Variants in ADORA3 observed in about 807,000 individuals in gnomAD.
ADORA3 encodes the protein adenosine receptor A3.
A neutral mutation model predicts 5.7 loss-of-function variants in ADORA3; 3 were observed. That is an observed-to-expected ratio of 0.52 (90% CI 0.24 to 1.35). The LOEUF is 1.35. Ranked by LOEUF, ADORA3 falls within the 40% of genes most tolerant of loss-of-function variation. ADORA3 has a pLI of 0.17. For missense variants in ADORA3, 343 were observed against 389.0 expected (o/e 0.88, Z 0.99); for synonymous variants, 168 against 152.3 (o/e 1.10, Z -0.76).
chr1:111,502,082 TAA>T (rs869235270), intron 1 of ADORA3, among the ~76,000 whole-genome samples: 17 of 119,356 alleles, frequency 1.4e-4, no homozygotes, highest in Admixed American at 5.5e-4. Context: ...TATATTATAA[TAA>T]ATATATATAG....
In ADORA3 at chr1:111,503,361, T is replaced by C; in HGVS notation, c.-7A>G. ...CAGTGCTGTTGTTGGGCATCTTGCC[T>C]TCCCAGGGGAACCTCCACAGGGACA... is the stretch of plus-strand genomic sequence containing the variant. On this transcript the variant is annotated 5_prime_UTR_variant, in exon 1 of 2. Transcript: ENST00000241356. The C allele has an allele frequency of 6.2e-7, 1 of 1,603,068 alleles. No homozygotes were observed. The highest frequency in any genetic ancestry group is 2.2e-5 in the East Asian group (1 of 44,696).
chr1:111,503,287 C>T lies in ADORA3; in HGVS notation c.68G>A (p.Gly23Glu). Residue 23 changes from glycine (G) to glutamate (E), a missense_variant, in exon 1 of 2, where the codon GGA (glycine) becomes GAA (glutamate). Coordinates refer to ENST00000241356, the MANE Select transcript of ADORA3 (RefSeq NM_000677.4). Reference protein sequence around the residue: ...VTYITMEIFIGLCAIVGNVLV... With the variant: ...VTYITMEIFIELCAIVGNVLV... ...CACGTTGCCCACTATGGCGCAGAGT[C>T]CAATGAAAATTTCCATGGTGATGTA... 1 of 1,614,166 alleles carries T rather than the reference C, an allele frequency of 6.2e-7. No homozygotes were observed. The highest frequency in any genetic ancestry group is 8.5e-7 in the Non-Finnish European group (1 of 1,180,036).
Position 111,500,052 on chromosome 1 carries a change from T to C in ADORA3, c.855A>G (p.Lys285=), listed in dbSNP as rs769492097. The C allele has an allele frequency of 1.9e-6, 3 of 1,614,112 alleles. No homozygotes were observed. In the African/African-American group the frequency reaches 4.0e-5, roughly 22 times the overall value. ...GGTAGGTTTCCTTGAACTTCTTTATTTTATAGGCATAGACGATAGGGTTCA... is the reference window on the plus strand; with the variant it reads ...GGTAGGTTTCCTTGAACTTCTTTATCTTATAGGCATAGACGATAGGGTTCA... ...SMMNPIVYAY[K]IKKFKETYLL... The change falls in exon 2 of 2, where the codon AAA becomes AAG. Residue 285 remains lysine, a synonymous_variant. Coordinates refer to ENST00000241356, the MANE Select transcript of ADORA3 (RefSeq NM_000677.4).
At chr1:111,500,891 C>G (rs1655140833) in intron 1 of ADORA3, 1 of 426,890 alleles carries the variant, frequency 2.3e-6, no homozygotes, top group African/African-American at 2.0e-5. Context: ...TTACTGAGAG[C>G]TATACAACTG....
chr1:111,502,393 G>T, intron 1 of ADORA3, among the ~76,000 whole-genome samples: 4 of 127,464 alleles, frequency 3.1e-5, no homozygotes, highest in East Asian at 2.3e-4. Context: ...ATATATATAG[G>T]ATACATATAT....
chr1:111,500,251 C>A lies in ADORA3; in HGVS notation c.656G>T (p.Gly219Val), dbSNP rs1238363491. 6.8e-6 allele frequency: 11 copies of A among 1,614,010 alleles called. No homozygotes were observed. The highest frequency in any genetic ancestry group is 9.3e-6 in the Non-Finnish European group (11 of 1,180,010). Residue 219 changes from glycine (G) to valine (V), a missense_variant, in exon 2 of 2, where the codon GGT becomes GTT. Coordinates refer to ENST00000241356, the MANE Select transcript of ADORA3 (RefSeq NM_000677.4). ...CTTGAACTCCCGTCCATAAAATGCACCTGTCTCTTTGGAGTTAGATAAGTT... is the reference window on the plus strand; with the variant it reads ...CTTGAACTCCCGTCCATAAAATGCAACTGTCTCTTTGGAGTTAGATAAGTT... ...SLNLSNSKET[G>V]AFYGREFKTA...
chr1:111,500,063 A>T lies in ADORA3; in HGVS notation c.844T>A (p.Tyr282Asn), dbSNP rs1347057570. The T allele has an allele frequency of 6.2e-7, 1 of 1,614,246 alleles. No homozygotes were observed. The highest frequency in any genetic ancestry group is 8.5e-7 in the Non-Finnish European group (1 of 1,180,038). The change falls in exon 2 of 2, where the codon TAT (tyrosine) becomes AAT (asparagine). Residue 282 changes from tyrosine to asparagine, a missense_variant. Transcript: ENST00000241356. Reference protein sequence around the residue: ...HANSMMNPIVYAYKIKKFKET... With the variant: ...HANSMMNPIVNAYKIKKFKET... ...TTGAACTTCTTTATTTTATAGGCATAGACGATAGGGTTCATCATGGAGTTG... is the reference window on the plus strand; with the variant it reads ...TTGAACTTCTTTATTTTATAGGCATTGACGATAGGGTTCATCATGGAGTTG...
At position 111,500,325 on chromosome 1, in the gene ADORA3, G is replaced by A. The variant is rs368843789; in HGVS notation, c.582C>T (p.Cys194=). Residue 194 remains cysteine (C), a synonymous_variant, in exon 2 of 2, where the codon TGC becomes TGT. Coordinates refer to ENST00000241356, the MANE Select transcript of ADORA3 (RefSeq NM_000677.4). ...TWIFIPLVVM[C]AIYLDIFYII... is the part of the protein sequence containing the mutation. Reference sequence around the variant, plus strand: ...TGTAAAAGATGTCAAGATAGATGGCGCACATGACAACCAGGGGGATGAAAA... The same window carrying A: ...TGTAAAAGATGTCAAGATAGATGGCACACATGACAACCAGGGGGATGAAAA... The A allele has an allele frequency of 4.7e-5, 76 of 1,614,086 alleles. No individual in the cohort carries two copies. The highest frequency in any genetic ancestry group is 1.1e-4 in the East Asian group (5 of 44,902).
In ADORA3 at chr1:111,503,530, C is replaced by A; in HGVS notation, c.-176G>T. On this transcript the variant is annotated 5_prime_UTR_variant, in exon 1 of 2. It adds an upstream start codon to the 5' untranslated region. Coordinates refer to ENST00000241356, the MANE Select transcript of ADORA3 (RefSeq NM_000677.4). Reference sequence around the variant, plus strand: ...CTGGTGGGGTGATCTCTTGGAAACCCTTCTCCTTAGAAAGGGCTCATCACA... The same window carrying A: ...CTGGTGGGGTGATCTCTTGGAAACCATTCTCCTTAGAAAGGGCTCATCACA... 7.0e-7 allele frequency: 1 copy of A among 1,424,150 alleles called. No homozygotes were observed. The highest frequency in any genetic ancestry group is 9.2e-7 in the Non-Finnish European group (1 of 1,092,108). 88.2% of individuals were successfully genotyped at this position (1,424,150 alleles called of 1,614,324 possible).
At position 111,503,493 on chromosome 1, in the gene ADORA3, T is replaced by G. The variant is rs2100985504; in HGVS notation, c.-139A>C. 1.4e-6 allele frequency: 2 copies of G among 1,447,340 alleles called. No homozygotes were observed. Among genetic ancestry groups the G allele is most frequent in the South Asian group, 1.5e-5 (1 of 68,230 alleles). The allele number at this position is 1,447,340 out of a possible 1,614,324, so 89.7% of individuals were successfully genotyped here. A position where few individuals can be genotyped will look rare whatever the true frequency, so the allele number is the denominator to read the frequency against. On this transcript the variant is annotated 5_prime_UTR_variant, in exon 1 of 2. Transcript: ENST00000241356. ...AGTCTAAAATTCCCAACTTGCTCAT[T>G]CCTACCCTTTTCTGGTGGGGTGATC...
chr1:111,500,626 A>G, intron 1 of ADORA3, 70 bp from the exon 2 acceptor site: 1 of 1,457,800 alleles, frequency 6.9e-7, no homozygotes, highest in Non-Finnish European at 9.5e-7. Flanking sequence ...TGGAGCTGGT[A>G]AAGGAGAGAG....
In ADORA3 at chr1:111,503,487, G is replaced by T; in HGVS notation, c.-133C>A. 6.9e-7 allele frequency: 1 copy of T among 1,453,332 alleles called. No individual in the cohort carries two copies. Among genetic ancestry groups the T allele is most frequent in the Non-Finnish European group, 9.1e-7 (1 of 1,102,736 alleles). 90.0% of individuals were successfully genotyped at this position (1,453,332 alleles called of 1,614,324 possible). On this transcript the variant is annotated 5_prime_UTR_variant, in exon 1 of 2. Coordinates refer to ENST00000241356, the MANE Select transcript of ADORA3 (RefSeq NM_000677.4). ...AGTGACAGTCTAAAATTCCCAACTT[G>T]CTCATTCCTACCCTTTTCTGGTGGG... is the stretch of plus-strand genomic sequence containing the variant.
Position 111,503,451 on chromosome 1 carries a change from G to T in ADORA3, c.-97C>A. ...AGCTCTCGCCAGACGTCTTCCCAGA[G>T]GTCCATGTGCAGTGACAGTCTAAAA... On this transcript the variant is annotated 5_prime_UTR_variant, in exon 1 of 2. Coordinates refer to ENST00000241356, the MANE Select transcript of ADORA3 (RefSeq NM_000677.4). 1 of 1,483,680 alleles carries T rather than the reference G, an allele frequency of 6.7e-7. No homozygotes were observed. 91.9% of individuals were successfully genotyped at this position (1,483,680 alleles called of 1,614,324 possible).
chr1:111,503,383 G>A lies in ADORA3; in HGVS notation c.-29C>T. The A allele has an allele frequency of 1.3e-6, 2 of 1,581,622 alleles. No homozygotes were observed. The highest frequency in any genetic ancestry group is 1.7e-6 in the Non-Finnish European group (2 of 1,160,588). ...GCCTTCCCAGGGGAACCTCCACAGG[G>A]ACAGGTGAGCCAGCAAGATCCGTCT... On this transcript the variant is annotated 5_prime_UTR_variant, in exon 1 of 2. Coordinates refer to ENST00000241356, the MANE Select transcript of ADORA3 (RefSeq NM_000677.4).
rs1322792979 is a variant in ADORA3, at chr1:111,499,795, T to C, written c.*155A>G. The C allele has an allele frequency of 1.4e-6, 2 of 1,461,668 alleles. No homozygotes were observed. The highest frequency in any genetic ancestry group is 1.5e-5 in the South Asian group (1 of 68,474). 90.5% of individuals were successfully genotyped at this position (1,461,668 alleles called of 1,614,324 possible). On this transcript the variant is annotated 3_prime_UTR_variant, in exon 2 of 2. Transcript: ENST00000241356. ...GAAGTGGAGGAAGAGAGTAGTGGAG[T>C]GGGGGAGATATAATTGGGGAGCACT...
In ADORA3 at chr1:111,503,508, G is replaced by T. The variant is rs1655363218; in HGVS notation, c.-154C>A. On this transcript the variant is annotated 5_prime_UTR_variant, in exon 1 of 2. Coordinates refer to ENST00000241356, the MANE Select transcript of ADORA3 (RefSeq NM_000677.4). ...ACTTGCTCATTCCTACCCTTTTCTG[G>T]TGGGGTGATCTCTTGGAAACCCTTC... The T allele has an allele frequency of 7.0e-7, 1 of 1,437,474 alleles. No homozygotes were observed. The highest frequency in any genetic ancestry group is 1.4e-5 in the African/African-American group (1 of 69,714). 89.0% of individuals were successfully genotyped at this position (1,437,474 alleles called of 1,614,324 possible). A position where few individuals can be genotyped will look rare whatever the true frequency, so the allele number is the denominator to read the frequency against.
At position 111,499,764 on chromosome 1, in the gene ADORA3, A is replaced by G. The variant is rs1228938430; in HGVS notation, c.*186T>C. ...CTGAATTAGAGAGAAAGGACAAGGG[A>G]AAAATGAAGTGGAGGAAGAGAGTAG... On this transcript the variant is annotated 3_prime_UTR_variant, in exon 2 of 2. Transcript: ENST00000241356. 4 of 1,420,194 alleles carry G rather than the reference A, an allele frequency of 2.8e-6. No individual in the cohort carries two copies. Among genetic ancestry groups the G allele is most frequent in the African/African-American group, 1.4e-5 (1 of 69,674 alleles). The allele number at this position is 1,420,194 out of a possible 1,614,324, so 88.0% of individuals were successfully genotyped here.
In ADORA3 at chr1:111,503,000, G is replaced by T. The variant is rs201612047; in HGVS notation, c.350+5C>A. ...AATTGCTGCCCACCCCACGCCGCAG[G>T]CTACCTGACGGTAAGCTTGACCCGC... On this transcript the variant is annotated splice_donor_5th_base_variant and intron_variant, in intron 1 of 1. Transcript: ENST00000241356. 435 of 1,611,974 alleles carry T rather than the reference G, an allele frequency of 2.7e-4. 1 individual carries two copies. Among genetic ancestry groups the T allele is most frequent in the Middle Eastern group, 3.4e-4 (2 of 5,854 alleles).
chr1:111,503,246 C>T lies in ADORA3; in HGVS notation c.109G>A (p.Val37Ile), dbSNP rs140736286. ...IVGNVLVICVVKLNPSLQTTT... is the reference protein window; with the variant it reads ...IVGNVLVICVIKLNPSLQTTT... ...GTCTGCAGGCTGGGGTTCAGCTTGACCACGCAGATGACCAGCACGTTGCCC... is the reference window on the plus strand; with the variant it reads ...GTCTGCAGGCTGGGGTTCAGCTTGATCACGCAGATGACCAGCACGTTGCCC... The change falls in exon 1 of 2, where the codon GTC (valine) becomes ATC (isoleucine). Residue 37 changes from valine to isoleucine, a missense_variant. Coordinates refer to ENST00000241356, the MANE Select transcript of ADORA3 (RefSeq NM_000677.4). The T allele has an allele frequency of 4.3e-6, 7 of 1,614,104 alleles. No individual in the cohort carries two copies. The African/African-American group carries it at 8.0e-5, about 18-fold the overall frequency.
Sources: allele counts gnomAD v4.1 joint callset (sites outside exome capture counted in the v4.1 genomes callset), GRCh38; gene constraint gnomAD v4.1.1; transcripts MANE v1.5; gene names NCBI Gene and HGNC (gene_info 2026-07-23, HGNC 2026-07-21).